Variants in MUCL1 observed in about 807,000 individuals in gnomAD.
The protein encoded by MUCL1 is mucin like 1, also known as mucin-like protein 1.
MUCL1 carries 11 observed loss-of-function variants against 9.2 expected under a neutral mutation model. That is an observed-to-expected ratio of 1.19 (90% confidence interval 0.75 to 1.97). The LOEUF is 1.97. MUCL1 is among the 30% of genes most tolerant of loss of function. The probability of loss-of-function intolerance (pLI) is 0.00; values close to 1 mark genes in which losing one functional copy is unlikely to be tolerated. For missense variants in MUCL1, 144 were observed against 110.9 expected, an observed-to-expected ratio of 1.30 and a Z score of -1.34; for synonymous variants, 48 against 40.5, an observed-to-expected ratio of 1.19 and a Z score of -0.71.
At chr12:54,855,079 T>C (rs1293561074) in intron 1 of MUCL1, 37 bp from the exon 2 acceptor site, 1 of 1,599,272 alleles carries the variant, frequency 6.3e-7, no homozygotes, top group Admixed American at 1.7e-5. Context: ...AAACTGGTAT[T>C]CAGCTAACAT....
upstream of MUCL1, among the ~76,000 whole-genome samples, chr12:54,850,871 A>G (rs976398294): frequency 3.9e-5 from 6 of 152,202 alleles, no homozygotes; most frequent in Admixed American, 1.3e-4. Context: ...GTGAGATGGT[A>G]TCTCACTGTG....
chr12:54,833,198 T>C (rs1959187668), intron 1 of MUCL1, among the ~76,000 whole-genome samples: 1 of 152,144 alleles, frequency 6.6e-6, no homozygotes, highest in African/African-American at 2.4e-5. Context: ...GTGCATGCAT[T>C]CATATTTACC....
upstream of MUCL1, among the ~76,000 whole-genome samples, chr12:54,853,008 C>T (rs1008624250): frequency 6.6e-6 from 1 of 152,116 alleles, no homozygotes; most frequent in Non-Finnish European, 1.5e-5. Flanking sequence ...AGGTTGAAGA[C>T]CACTCCCTCA....
At chr12:54,850,565 T>G (rs557788863), upstream of MUCL1, among the ~76,000 whole-genome samples, 6,622 of 151,808 alleles carry the variant, frequency 0.044, 177 homozygotes, top group Middle Eastern at 0.11. Flanking sequence ...ATCATTGTTG[T>G]ACATTTGGGT....
chr12:54,847,171 T>C (rs1959269114), intron 1 of MUCL1, among the ~76,000 whole-genome samples: 2 of 152,222 alleles, frequency 1.3e-5, no homozygotes, highest in African/African-American at 4.8e-5. Context: ...TCCTTCTTTC[T>C]TTTCCTCTAG....
intron 1 of MUCL1, among the ~76,000 whole-genome samples, chr12:54,842,305 A>G (rs1032433489): frequency 2.0e-5 from 3 of 152,016 alleles, no homozygotes; most frequent in African/African-American, 4.8e-5. Flanking sequence ...TATAAATACA[A>G]TTTAGTTTTG....
At chr12:54,844,182 T>A (rs1050592330) in intron 1 of MUCL1, among the ~76,000 whole-genome samples, 1 of 152,178 alleles carries the variant, frequency 6.6e-6, no homozygotes, top group Non-Finnish European at 1.5e-5. Flanking sequence ...TTTGATAAGA[T>A]GAATGTTTTT....
chr12:54,848,463 C>T (rs147243658), intron 1 of MUCL1, among the ~76,000 whole-genome samples: 77 of 152,152 alleles, frequency 5.1e-4, no homozygotes, highest in African/African-American at 1.6e-3. Flanking sequence ...ATAATGAAAA[C>T]GGCAGTTCCA....
chr12:54,858,007 A>G (rs1303799661), intron 3 of MUCL1, among the ~76,000 whole-genome samples, 186 bp from the exon 4 acceptor site: 1 of 152,160 alleles, frequency 6.6e-6, no homozygotes, highest in African/African-American at 2.4e-5. Context: ...CTAAGGCTAT[A>G]TTTCCAAAAT....
At chr12:54,831,131 C>T (rs1337319593) in intron 1 of MUCL1, among the ~76,000 whole-genome samples, 1 of 152,012 alleles carries the variant, frequency 6.6e-6, no homozygotes, top group Non-Finnish European at 1.5e-5. Context: ...AAAATGAAAG[C>T]ACTAAGATCT....
At chr12:54,841,144 G>T (rs150344782) in intron 1 of MUCL1, among the ~76,000 whole-genome samples, 1 of 152,164 alleles carries the variant, frequency 6.6e-6, no homozygotes, top group South Asian at 2.1e-4. Flanking sequence ...GTTCATCCAT[G>T]TTGCCATAAA....
At chr12:54,834,899 C>T (rs1003898582), upstream of MUCL1, among the ~76,000 whole-genome samples, 1 of 152,068 alleles carries the variant, frequency 6.6e-6, no homozygotes, top group African/African-American at 2.4e-5. Context: ...CACCTTCCTT[C>T]CACTCTCCTC....
intron 1 of MUCL1, among the ~76,000 whole-genome samples, chr12:54,831,676 T>G (rs1959185620): frequency 6.6e-6 from 1 of 152,132 alleles, no homozygotes; most frequent in African/African-American, 2.4e-5. Context: ...AAACAATTAC[T>G]GAGCATAAGT....
At chr12:54,854,034 C>T (rs952084556), upstream of MUCL1, among the ~76,000 whole-genome samples, 1 of 151,518 alleles carries the variant, frequency 6.6e-6, no homozygotes, top group African/African-American at 2.4e-5. Context: ...ATTACATGTT[C>T]AGGAGGGAGG....
chr12:54,852,318 A>C (rs1868257692), upstream of MUCL1, among the ~76,000 whole-genome samples: 2 of 152,206 alleles, frequency 1.3e-5, no homozygotes, highest in African/African-American at 4.8e-5. Context: ...GTTATAGACC[A>C]ATGGAACAGA....
chr12:54,836,530 G>A (rs1959193275), upstream of MUCL1, among the ~76,000 whole-genome samples: 1 of 152,072 alleles, frequency 6.6e-6, no homozygotes, highest in African/African-American at 2.4e-5. Flanking sequence ...TCTTGTCAAA[G>A]AAACAACTTT....
chr12:54,839,724 C>T (rs1444922014), intron 1 of MUCL1, among the ~76,000 whole-genome samples: 4 of 152,144 alleles, frequency 2.6e-5, no homozygotes, highest in African/African-American at 9.7e-5. Context: ...AAGCCTGAAC[C>T]TGGAGGGCAC....
intron 1 of MUCL1, among the ~76,000 whole-genome samples, chr12:54,843,053 A>G (rs1049013389): frequency 2.6e-5 from 4 of 152,188 alleles, no homozygotes; most frequent in Admixed American, 2.0e-4. Flanking sequence ...AATAGGCTAT[A>G]CTATATAGCT....
intron 1 of MUCL1, among the ~76,000 whole-genome samples, chr12:54,832,778 G>A (rs1275552655): frequency 6.6e-6 from 1 of 152,026 alleles, no homozygotes; most frequent in Admixed American, 6.6e-5. Context: ...ATGTTAAGCT[G>A]AATGGAAATG....
Sources: gnomAD v4.1 joint callset for allele counts (sites outside exome capture counted in the v4.1 genomes callset) on GRCh38, gnomAD v4.1.1 for gene constraint, MANE v1.5 for transcripts, NCBI Gene and HGNC (gene_info 2026-07-23, HGNC 2026-07-21) for gene names.